Variants in OR52N4 observed in about 807,000 individuals in gnomAD.
The protein encoded by OR52N4 is olfactory receptor family 52 subfamily N member 4.
In OR52N4, 15 loss-of-function variants were observed where a neutral mutation model predicts 15.0. The observed-to-expected ratio is 1.00, with a 90% CI of 0.67 to 1.54. The LOEUF (loss-of-function observed/expected upper bound fraction) is 1.54, where lower values mean the gene tolerates loss of function less well. Ranked by LOEUF, OR52N4 falls within the 40% of genes most tolerant of loss-of-function variation. The pLI is 0.00. For missense variants in OR52N4, 421 were observed against 394.0 expected (o/e 1.07, Z -0.58); for synonymous variants, 143 against 143.7 (o/e 1.00, Z 0.03).
the OR52N4 span, among the ~76,000 whole-genome samples, chr11:5,728,915 G>T: frequency 6.6e-6 from 1 of 151,828 alleles, no homozygotes; most frequent in African/African-American, 2.4e-5. Flanking sequence ...TATACTTTAA[G>T]TTCTAGGGTA....
chr11:5,754,615 T>C (rs924592781), intron 1 of OR52N4, 78 bp from the exon 2 acceptor site: 6 of 1,012,374 alleles, frequency 5.9e-6, no homozygotes, highest in Non-Finnish European at 8.4e-6. Flanking sequence ...AAATGCATTA[T>C]GGAATTTTTA....
At chr11:5,735,823 G>T in the OR52N4 span, among the ~76,000 whole-genome samples, 1 of 152,090 alleles carries the variant, frequency 6.6e-6, no homozygotes, top group Non-Finnish European at 1.5e-5. Flanking sequence ...CTGTTCAATG[G>T]TTAGAAGGTT....
chr11:5,755,717 G>C lies in OR52N4; in HGVS notation c.*11G>C. ...TCCTACAGCATGTGAATGAACACTT[G>C]CCAGGAGTGAGAAGAGAAGGAAAGA... On this transcript the variant is annotated 3_prime_UTR_variant, in exon 2 of 2. Transcript: ENST00000641350. The C allele has an allele frequency of 6.2e-7, 1 of 1,606,092 alleles. No homozygotes were observed. The highest frequency in any genetic ancestry group is 2.2e-5 in the East Asian group (1 of 44,732).
the OR52N4 span, among the ~76,000 whole-genome samples, chr11:5,729,792 G>A: frequency 3.3e-5 from 5 of 152,164 alleles, no homozygotes; most frequent in Non-Finnish European, 5.9e-5. Context: ...CATAAAAAAT[G>A]AAATGACAAG....
chr11:5,748,893 CAT>C, the OR52N4 span, among the ~76,000 whole-genome samples: 1 of 151,980 alleles, frequency 6.6e-6, no homozygotes, highest in Non-Finnish European at 1.5e-5. Flanking sequence ...CAAACACACA[CAT>C]ATGGGATTAT....
chr11:5,736,769 A>G, the OR52N4 span: 2 of 1,614,034 alleles, frequency 1.2e-6, no homozygotes, highest in South Asian at 1.1e-5. Flanking sequence ...TCTGGCCACT[A>G]CTATCATCCC....
At chr11:5,739,450 T>A in the OR52N4 span, among the ~76,000 whole-genome samples, 27 of 120,958 alleles carry the variant, frequency 2.2e-4, 6 homozygotes, top group African/African-American at 8.1e-4. Context: ...TAGTCCCAGA[T>A]ACTCGGGAGG....
the OR52N4 span, chr11:5,737,870 A>C: frequency 6.0e-6 from 1 of 166,966 alleles, no homozygotes. Flanking sequence ...ATGCTTGCGC[A>C]TTGTTAGCTG....
the OR52N4 span, among the ~76,000 whole-genome samples, chr11:5,730,385 G>T: frequency 1.3e-5 from 2 of 151,634 alleles, no homozygotes; most frequent in African/African-American, 2.4e-5. Context: ...TAGAGATGGG[G>T]TTTCACTGTG....
chr11:5,737,317 T>G, the OR52N4 span: 2 of 1,614,170 alleles, frequency 1.2e-6, no homozygotes, highest in Non-Finnish European at 1.7e-6. Flanking sequence ...TTGTAGTGAT[T>G]TCAGTGACTC....
the OR52N4 span, among the ~76,000 whole-genome samples, chr11:5,727,880 C>T: frequency 6.6e-6 from 1 of 152,156 alleles, no homozygotes; most frequent in Non-Finnish European, 1.5e-5. Context: ...GACAATATAG[C>T]CACAGTTAAA....
At chr11:5,727,614 G>A in the OR52N4 span, 1 of 152,202 alleles carries the variant, frequency 6.6e-6, no homozygotes, top group Non-Finnish European at 1.5e-5. Flanking sequence ...AAATCACAGA[G>A]AAGGGCATTC....
the OR52N4 span, among the ~76,000 whole-genome samples, chr11:5,742,658 G>A: frequency 9.9e-5 from 15 of 152,234 alleles, no homozygotes; most frequent in East Asian, 5.8e-4. Flanking sequence ...AAATGAAGGA[G>A]AAATAAGTCT....
chr11:5,753,536 G>A (rs1454165413), upstream of OR52N4, among the ~76,000 whole-genome samples: 8 of 151,970 alleles, frequency 5.3e-5, no homozygotes, highest in East Asian at 1.9e-4. Context: ...TCTAGTTTGC[G>A]TTGACTAGAT....
chr11:5,752,255 G>C (rs1442499314), upstream of OR52N4, among the ~76,000 whole-genome samples: 2 of 152,134 alleles, frequency 1.3e-5, no homozygotes, highest in African/African-American at 4.8e-5. Context: ...GTAATGACTT[G>C]AGTACATATC....
At chr11:5,732,604 A>AC in the OR52N4 span, among the ~76,000 whole-genome samples, 13 of 152,204 alleles carry the variant, frequency 8.5e-5, no homozygotes, top group Middle Eastern at 3.4e-3. Flanking sequence ...TTCTTTCTCA[A>AC]CATTTACCTA....
At position 5,755,377 on chromosome 11, in the gene OR52N4, A is replaced by C. The variant is rs1167638918; in HGVS notation, c.637A>C (p.Ile213Leu). The change falls in exon 2 of 2, where the codon ATA becomes CTA. Residue 213 changes from isoleucine to leucine, a missense_variant. By Grantham distance (5) the Ile-to-Leu change is conservative. Transcript: ENST00000641350. ...TGCCCTCCTGATTTGGGGCTTTGAC[A>C]TACTGTGTATCACCAACTCCTATAC... ...MVALLIWGFD[I>L]LCITNSYTMI... 6.2e-7 allele frequency: 1 copy of C among 1,614,070 alleles called. No homozygotes were observed. Among genetic ancestry groups the C allele is most frequent in the Non-Finnish European group, 8.5e-7 (1 of 1,179,988 alleles).
the OR52N4 span, chr11:5,736,315 T>C: frequency 3.5e-6 from 2 of 567,010 alleles, no homozygotes; most frequent in Non-Finnish European, 6.3e-6. Context: ...AAAATCTAGT[T>C]ATTATTAGTT....
At chr11:5,733,821 T>G in the OR52N4 span, among the ~76,000 whole-genome samples, 1 of 152,220 alleles carries the variant, frequency 6.6e-6, no homozygotes, top group Non-Finnish European at 1.5e-5. Context: ...ACCCAGAGTT[T>G]GTGTGCTTAA....
Sources: allele counts gnomAD v4.1 joint callset (sites outside exome capture counted in the v4.1 genomes callset), GRCh38; gene constraint gnomAD v4.1.1; transcripts MANE v1.5; gene names NCBI Gene and HGNC (gene_info 2026-07-23, HGNC 2026-07-21).